CCDC30: variants seen among roughly 807,000 people sequenced by gnomAD.
The protein encoded by CCDC30 is coiled-coil domain containing 30.
A neutral mutation model predicts 100.2 loss-of-function variants in CCDC30; 70 were observed. The ratio of observed to expected loss-of-function variants is 0.70; its 90% CI spans 0.58 to 0.85. The LOEUF is 0.85. CCDC30 is among the 40% of genes least tolerant of loss of function. The pLI is 0.00. For missense variants in CCDC30, 652 were observed against 771.2 expected (o/e 0.85, Z 1.83); for synonymous variants, 233 against 269.5 (o/e 0.86, Z 1.33).
chr1:42,580,842 G>T, intron 8 of CCDC30: 1 of 456,152 alleles, frequency 2.2e-6, no homozygotes, highest in Non-Finnish European at 4.4e-6. Flanking sequence ...TGTTATTCAT[G>T]AATCTAGCCA....
At chr1:42,532,415 T>C (rs1644819736) in intron 6 of CCDC30, among the ~76,000 whole-genome samples, 1 of 152,242 alleles carries the variant, frequency 6.6e-6, no homozygotes, top group African/African-American at 2.4e-5. Flanking sequence ...TACCCATTTC[T>C]CTATGGAGAC....
At chr1:42,503,193 G>C (rs536686396) in intron 6 of CCDC30, among the ~76,000 whole-genome samples, 3 of 152,222 alleles carry the variant, frequency 2.0e-5, no homozygotes, top group African/African-American at 7.2e-5. Context: ...CCTTAGTGAA[G>C]TGGCATTGTT....
intron 7 of CCDC30, among the ~76,000 whole-genome samples, chr1:42,572,892 A>T (rs1188870684): frequency 6.6e-6 from 1 of 152,200 alleles, no homozygotes; most frequent in Non-Finnish European, 1.5e-5. Context: ...GTGTGGGATT[A>T]CAGGCGTGAG....
At chr1:42,461,080 T>G (rs183637007), upstream of CCDC30, among the ~76,000 whole-genome samples, 1 of 152,348 alleles carries the variant, frequency 6.6e-6, no homozygotes, top group Admixed American at 6.5e-5. Flanking sequence ...TTTGAAAAAT[T>G]AGCATTGATG....
intron 11 of CCDC30, among the ~76,000 whole-genome samples, chr1:42,614,804 T>C (rs1646694459): frequency 6.6e-6 from 1 of 150,814 alleles, no homozygotes; most frequent in Admixed American, 6.6e-5. Context: ...AAAAAAAAGA[T>C]ACAGAATATT....
intron 6 of CCDC30, among the ~76,000 whole-genome samples, chr1:42,521,710 TC>T (rs1644650170): frequency 6.6e-6 from 1 of 152,110 alleles, no homozygotes; most frequent in African/African-American, 2.4e-5. Flanking sequence ...GTAAATTTTT[TC>T]TTTTGTTTTT....
At chr1:42,565,968 T>C (rs1645597450) in intron 6 of CCDC30, among the ~76,000 whole-genome samples, 1 of 152,134 alleles carries the variant, frequency 6.6e-6, no homozygotes, top group Non-Finnish European at 1.5e-5. Flanking sequence ...ATATGGACTC[T>C]TTGAACTTCC....
intron 6 of CCDC30, among the ~76,000 whole-genome samples, chr1:42,524,875 C>G (rs1287752093): frequency 6.6e-6 from 1 of 152,198 alleles, no homozygotes; most frequent in African/African-American, 2.4e-5. Context: ...GGTGGAGAGA[C>G]AGATTTCTGG....
chr1:42,489,374 G>T (rs754268004), intron 3 of CCDC30, among the ~76,000 whole-genome samples: 3 of 152,190 alleles, frequency 2.0e-5, no homozygotes, highest in African/African-American at 4.8e-5. Context: ...AGTAGTAATA[G>T]TATTGCTATA....
At chr1:42,539,564 C>T (rs1644972895) in intron 6 of CCDC30, among the ~76,000 whole-genome samples, 2 of 152,066 alleles carry the variant, frequency 1.3e-5, no homozygotes, top group Non-Finnish European at 2.9e-5. Context: ...AAATCAGCTT[C>T]CCACCAACTT....
chr1:42,601,457 G>T (rs1375386559), intron 10 of CCDC30, among the ~76,000 whole-genome samples: 1 of 152,154 alleles, frequency 6.6e-6, no homozygotes, highest in African/African-American at 2.4e-5. Context: ...GCACCACCAT[G>T]CTGTATGAGG....
chr1:42,520,105 T>A (rs915651311), intron 6 of CCDC30, among the ~76,000 whole-genome samples: 7 of 152,090 alleles, frequency 4.6e-5, no homozygotes, highest in Non-Finnish European at 5.9e-5. Context: ...CTGTCTTTCA[T>A]TTATCTCTTT....
At chr1:42,557,964 T>C (rs983300448) in intron 6 of CCDC30, among the ~76,000 whole-genome samples, 2 of 152,148 alleles carry the variant, frequency 1.3e-5, no homozygotes, top group Admixed American at 6.6e-5. Flanking sequence ...GTACTTACCT[T>C]GCTCTTTTTT....
intron 2 of CCDC30, among the ~76,000 whole-genome samples, chr1:42,480,828 A>G (rs142481083): frequency 9.8e-5 from 15 of 152,326 alleles, no homozygotes; most frequent in African/African-American, 3.1e-4. Context: ...ATGATAATGT[A>G]TAGATTCATG....
chr1:42,554,559 G>A (rs1645329234), intron 6 of CCDC30, among the ~76,000 whole-genome samples: 1 of 151,942 alleles, frequency 6.6e-6, no homozygotes, highest in South Asian at 2.1e-4. Context: ...TTACAGACGT[G>A]AGCCACCACA....
rs1050021515 is a variant in CCDC30 at position 42,646,017 on chromosome 1, C to T, written c.1672-118C>T. On this transcript the variant is annotated intron_variant, in intron 14 of 16. Transcript: ENST00000668663. ...AACCTTGAATGAAGATAAGAATGGT[C>T]ACATGGATCAGAACTATAGCACATC... 3.8e-6 allele frequency: 5 copies of T among 1,307,516 alleles called. No homozygotes were observed. In the African/African-American group the frequency reaches 6.0e-5, roughly 16 times the overall value. The allele number at this position is 1,307,516 out of a possible 1,614,324, so 81.0% of individuals were successfully genotyped here. A position where few individuals can be genotyped will look rare whatever the true frequency, so the allele number is the denominator to read the frequency against.
chr1:42,536,924 C>G (rs915200853), intron 6 of CCDC30: 15 of 361,596 alleles, frequency 4.1e-5, no homozygotes, highest in African/African-American at 2.8e-4. Context: ...GGCACTAACC[C>G]TATTGGATTA....
intron 6 of CCDC30, among the ~76,000 whole-genome samples, chr1:42,542,542 T>TAATAAAGACAGGGTCTCCC (rs1274864091): frequency 2.8e-5 from 3 of 106,226 alleles, no homozygotes; most frequent in African/African-American, 6.8e-5. Flanking sequence ...AATTTTTCTT[T>TAATAAAGACAGGGTCTCCC]TTTTTTTTTT....
chr1:42,646,061 G>A lies in CCDC30; in HGVS notation c.1672-74G>A, dbSNP rs1431745693. On this transcript the variant is annotated intron_variant, in intron 14 of 16. Transcript: ENST00000668663. Reference sequence around the variant, plus strand: ...GCACATCAAACTCAATATTCCGTATGTGTCAAAGGTACTAACTTCTAACAT... The same window carrying A: ...GCACATCAAACTCAATATTCCGTATATGTCAAAGGTACTAACTTCTAACAT... The A allele has an allele frequency of 4.0e-6, 6 of 1,485,526 alleles. No homozygotes were observed. The African/African-American group carries it at 4.2e-5, about 10-fold the overall frequency. 92.0% of individuals were successfully genotyped at this position (1,485,526 alleles called of 1,614,324 possible). A position where few individuals can be genotyped will look rare whatever the true frequency, so the allele number is the denominator to read the frequency against.
Sources: allele counts gnomAD v4.1 joint callset (sites outside exome capture counted in the v4.1 genomes callset), GRCh38; gene constraint gnomAD v4.1.1; transcripts MANE v1.5; gene names NCBI Gene and HGNC (gene_info 2026-07-23, HGNC 2026-07-21).